Variants in SOX6 observed in about 807,000 individuals in gnomAD.
SOX6 encodes the protein SRY-box transcription factor 6, also known as transcription factor SOX-6.
A neutral mutation model predicts 97.8 loss-of-function variants in SOX6; 11 were observed. The ratio of observed to expected loss-of-function variants is 0.11; its 90% CI spans 0.07 to 0.19. The LOEUF (loss-of-function observed/expected upper bound fraction) is 0.19. Ranked by LOEUF, SOX6 falls within the 10% of genes least tolerant of loss-of-function variation. The pLI is 1.00. For synonymous variants in SOX6, 360 were observed against 371.4 expected (o/e 0.97, Z 0.35); for missense variants, 810 against 1,039.5 (o/e 0.78, Z 3.04).
At chr11:16,525,010 T>G (rs1416878292) in intron 4 of SOX6, among the ~76,000 whole-genome samples, 2 of 152,228 alleles carry the variant, frequency 1.3e-5, no homozygotes, top group Admixed American at 1.3e-4. Context: ...GAACACTCCA[T>G]GCTCATGGGT....
intron 9 of SOX6, among the ~76,000 whole-genome samples, chr11:16,069,526 G>A (rs994785161): frequency 7.2e-5 from 11 of 152,102 alleles, no homozygotes; most frequent in African/African-American, 9.7e-5. Flanking sequence ...TTTGGGCACC[G>A]TAGGATAATT....
intron 3 of SOX6, among the ~76,000 whole-genome samples, chr11:16,247,428 T>A (rs890594869): frequency 6.6e-6 from 1 of 152,142 alleles, no homozygotes; most frequent in Non-Finnish European, 1.5e-5. Flanking sequence ...TCCATTCTCA[T>A]GCTGCTGTAA....
intron 3 of SOX6, among the ~76,000 whole-genome samples, chr11:16,619,166 C>G (rs867645071): frequency 6.6e-6 from 1 of 151,146 alleles, no homozygotes; most frequent in Middle Eastern, 3.4e-3. Context: ...TACTAGCTAG[C>G]TAAGATTATA....
At chr11:16,691,159 A>G (rs1848010420) in intron 3 of SOX6, among the ~76,000 whole-genome samples, 1 of 152,208 alleles carries the variant, frequency 6.6e-6, no homozygotes, top group East Asian at 1.9e-4. Flanking sequence ...CCTGATAACC[A>G]TCAGAACGGT....
chr11:16,559,362 T>C (rs1405406728), intron 4 of SOX6, among the ~76,000 whole-genome samples: 1 of 151,000 alleles, frequency 6.6e-6, no homozygotes, highest in Non-Finnish European at 1.5e-5. Flanking sequence ...GACTTTCAAG[T>C]TTCAACAGAC....
intron 3 of SOX6, among the ~76,000 whole-genome samples, chr11:16,653,736 A>G (rs558740687): frequency 3.3e-5 from 5 of 152,156 alleles, no homozygotes; most frequent in Non-Finnish European, 5.9e-5. Context: ...TTATCCATGT[A>G]ACAAAAAGGC....
intron 4 of SOX6, among the ~76,000 whole-genome samples, chr11:16,606,396 G>C (rs1220572079): frequency 6.6e-6 from 1 of 152,086 alleles, no homozygotes; most frequent in Non-Finnish European, 1.5e-5. Flanking sequence ...TTGTGGGCAC[G>C]GAGGGCATTA....
At position 16,345,678 on chromosome 11, in the gene SOX6, G is replaced by A. The variant is rs561370342; in HGVS notation, c.-4-4426C>T. Among the ~76,000 whole-genome samples the A allele has an allele frequency of 4.3e-3, 659 of 152,114 alleles. 3 individuals are homozygous for A. Among genetic ancestry groups the A allele is most frequent in the Middle Eastern group, 0.031 (9 of 294 alleles). The stretch of plus-strand genomic sequence containing the variant: ...ATAAAATGATGAGAATGCTGGATAT[G>A]TGCACATTAAGTCTTCTATCTCAGA... On this transcript the variant is annotated intron_variant, in intron 1 of 15. Coordinates refer to ENST00000683767, the MANE Select transcript of SOX6 (RefSeq NM_001367873.1).
intron 3 of SOX6, among the ~76,000 whole-genome samples, chr11:16,635,051 AT>A (rs909039363): frequency 2.0e-5 from 3 of 152,108 alleles, no homozygotes; most frequent in African/African-American, 7.2e-5. Context: ...TCAATTAAAC[AT>A]TTTTCCTTTA....
chr11:16,034,681 G>GT (rs1461994033), intron 12 of SOX6, among the ~76,000 whole-genome samples: 2 of 152,164 alleles, frequency 1.3e-5, no homozygotes, highest in Non-Finnish European at 2.9e-5. Flanking sequence ...AGGGAAGGGA[G>GT]TAGAACACAT....
intron 1 of SOX6, chr11:16,434,366 A>G (rs936253082): frequency 2.6e-5 from 4 of 152,242 alleles, no homozygotes; most frequent in African/African-American, 9.6e-5. Flanking sequence ...AATAGTTACT[A>G]AAGTTCCTGG....
chr11:16,693,602 T>G (rs1317578285), intron 3 of SOX6, among the ~76,000 whole-genome samples: 1 of 152,174 alleles, frequency 6.6e-6, no homozygotes, highest in Non-Finnish European at 1.5e-5. Flanking sequence ...GCTTTTTATA[T>G]TTAAATAGTT....
At chr11:16,099,037 C>T (rs764284778) in intron 7 of SOX6, among the ~76,000 whole-genome samples, 1 of 151,704 alleles carries the variant, frequency 6.6e-6, no homozygotes, top group Non-Finnish European at 1.5e-5. Context: ...GCATCATATC[C>T]ATAATACCTC....
At chr11:16,186,680 T>C (rs1394990077) in intron 5 of SOX6, 103 bp downstream of exon 5, 3 of 1,338,086 alleles carry the variant, frequency 2.2e-6, no homozygotes, top group African/African-American at 1.5e-5. Flanking sequence ...TTTATTTTTA[T>C]TTTTTAGGAA....
intron 4 of SOX6, among the ~76,000 whole-genome samples, chr11:16,573,055 T>G (rs1285070684): frequency 6.6e-6 from 1 of 152,178 alleles, no homozygotes; most frequent in Admixed American, 6.5e-5. Flanking sequence ...ACCACTGCCC[T>G]GTCAGGAAAT....
intron 4 of SOX6, among the ~76,000 whole-genome samples, chr11:16,593,980 G>A (rs1848182730): frequency 6.6e-6 from 1 of 152,162 alleles, no homozygotes; most frequent in African/African-American, 2.4e-5. Flanking sequence ...CACAGCTCCT[G>A]ATAACATTGA....
At chr11:16,043,622 C>G (rs893829534) in intron 12 of SOX6, among the ~76,000 whole-genome samples, 2 of 152,108 alleles carry the variant, frequency 1.3e-5, no homozygotes, top group African/African-American at 4.8e-5. Flanking sequence ...CATCCCTATG[C>G]CTGTTAGTAA....
chr11:16,522,281 C>G (rs1459927964), intron 4 of SOX6, among the ~76,000 whole-genome samples: 1 of 152,156 alleles, frequency 6.6e-6, no homozygotes, highest in African/African-American at 2.4e-5. Context: ...CAGCGGATCT[C>G]TTGGCAGGAA....
At chr11:16,670,616 C>A (rs748453296) in intron 3 of SOX6, among the ~76,000 whole-genome samples, 1 of 152,180 alleles carries the variant, frequency 6.6e-6, no homozygotes, top group Non-Finnish European at 1.5e-5. Flanking sequence ...ACCCACACCC[C>A]CTCTTGTCAC....
Sources: allele counts gnomAD v4.1 joint callset (sites outside exome capture counted in the v4.1 genomes callset), GRCh38; gene constraint gnomAD v4.1.1; transcripts MANE v1.5; gene names NCBI Gene and HGNC (gene_info 2026-07-23, HGNC 2026-07-21).